The following ROBO1 variants were observed in gnomAD, a reference collection of about 807,000 sequenced individuals.
The protein encoded by ROBO1 is roundabout guidance receptor 1.
A neutral mutation model predicts 195.9 loss-of-function variants in ROBO1; 149 were observed. The ratio of observed to expected loss-of-function variants is 0.76; its 90% CI spans 0.67 to 0.87. The LOEUF (loss-of-function observed/expected upper bound fraction) is 0.87. Among genes scored for constraint, ROBO1 ranks in the 40% least tolerant of loss-of-function variants. The probability of loss-of-function intolerance (pLI) is 0.00; values close to 1 mark genes in which losing one functional copy is unlikely to be tolerated. For missense variants in ROBO1, 1,933 were observed against 2,068.3 expected (o/e 0.93, Z 1.27); for synonymous variants, 816 against 733.2 (o/e 1.11, Z -1.82).
chr3:79,569,855 T>C (rs1038778013), intron 2 of ROBO1, among the ~76,000 whole-genome samples: 1 of 152,024 alleles, frequency 6.6e-6, no homozygotes, highest in African/African-American at 2.4e-5. Flanking sequence ...TCCCAGCACT[T>C]TTGGAGGCAA....
chr3:79,284,719 G>A (rs1461531022), intron 2 of ROBO1, among the ~76,000 whole-genome samples: 1 of 152,138 alleles, frequency 6.6e-6, no homozygotes, highest in East Asian at 1.9e-4. Flanking sequence ...AATTAGCAAA[G>A]TCTAACATAT....
At chr3:79,657,648 G>T (rs1471251240) in intron 1 of ROBO1, among the ~76,000 whole-genome samples, 1 of 152,022 alleles carries the variant, frequency 6.6e-6, no homozygotes, top group East Asian at 1.9e-4. Flanking sequence ...ATATGTATTA[G>T]ATTTATATAT....
intron 1 of ROBO1, among the ~76,000 whole-genome samples, chr3:79,735,888 A>AAC (rs1553801371): frequency 0.026 from 671 of 26,058 alleles, 4 homozygotes; most frequent in African/African-American, 0.077. Context: ...AAAAAAAAAC[A>AAC]AAAAAAAAAC....
At chr3:78,646,555 A>G (rs1239605030) in intron 20 of ROBO1, among the ~76,000 whole-genome samples, 1 of 150,982 alleles carries the variant, frequency 6.6e-6, no homozygotes, top group Non-Finnish European at 1.5e-5. Flanking sequence ...TTTTGAATTT[A>G]TTATTGGAGC....
intron 8 of ROBO1, among the ~76,000 whole-genome samples, chr3:78,693,510 A>C (rs2107874235): frequency 6.6e-6 from 1 of 152,328 alleles, no homozygotes; most frequent in Middle Eastern, 3.4e-3. Context: ...CTGTACATGG[A>C]TGAATATTTG....
chr3:79,155,656 C>T (rs748038506), intron 2 of ROBO1, among the ~76,000 whole-genome samples: 3 of 151,550 alleles, frequency 2.0e-5, no homozygotes, highest in African/African-American at 4.8e-5. Flanking sequence ...TCTTTTATTC[C>T]TAACAGTACC....
rs113428217 is a variant in ROBO1, at chr3:78,598,789, AT to A, written c.*123del. 8.6e-3 allele frequency: 5,068 copies of A among 588,958 alleles called. 221 individuals are homozygous for A. The African/African-American group carries it at 0.087, about 10-fold the overall frequency. The allele number at this position is 588,958 out of a possible 1,614,324, so 36.5% of individuals were successfully genotyped here. A position where few individuals can be genotyped will look rare whatever the true frequency, so the allele number is the denominator to read the frequency against. Reference sequence around the variant, plus strand: ...TTAAAATGATATCCCAATAAGAGGAATAAAAACGACAATTTGTACACTCTGA... The same window carrying A: ...TTAAAATGATATCCCAATAAGAGGAAAAAAACGACAATTTGTACACTCTGA... On this transcript the variant is annotated 3_prime_UTR_variant, in exon 31 of 31. Transcript: ENST00000464233.
At chr3:79,001,130 G>A (rs1006052914) in intron 3 of ROBO1, among the ~76,000 whole-genome samples, 1 of 152,010 alleles carries the variant, frequency 6.6e-6, no homozygotes, top group South Asian at 2.1e-4. Context: ...AGGGGGTCGG[G>A]GGAAAGGGGA....
chr3:79,142,844 C>G (rs2080555908), intron 2 of ROBO1, among the ~76,000 whole-genome samples: 1 of 151,978 alleles, frequency 6.6e-6, no homozygotes, highest in South Asian at 2.1e-4. Flanking sequence ...TATATATTGA[C>G]AGAATTATGA....
intron 2 of ROBO1, among the ~76,000 whole-genome samples, chr3:79,276,878 A>G (rs1256325249): frequency 6.6e-6 from 1 of 152,116 alleles, no homozygotes; most frequent in Non-Finnish European, 1.5e-5. Context: ...GCTCAACACA[A>G]TTGATCATCA....
At chr3:78,799,268 G>A (rs530337948) in intron 4 of ROBO1, among the ~76,000 whole-genome samples, 7 of 151,852 alleles carry the variant, frequency 4.6e-5, no homozygotes, top group African/African-American at 1.7e-4. Flanking sequence ...GTTTTGGCCT[G>A]CTTTTATATT....
At chr3:79,309,797 G>A (rs552507808) in intron 2 of ROBO1, among the ~76,000 whole-genome samples, 1 of 152,198 alleles carries the variant, frequency 6.6e-6, no homozygotes, top group Admixed American at 6.5e-5. Flanking sequence ...AATTCTGATA[G>A]CAGAAGCATT....
chr3:79,048,401 C>T (rs968835024), intron 3 of ROBO1, among the ~76,000 whole-genome samples: 21 of 152,102 alleles, frequency 1.4e-4, no homozygotes, highest in East Asian at 1.9e-4. Flanking sequence ...CCTTTACCAG[C>T]TTTTCATCTG....
intron 1 of ROBO1, among the ~76,000 whole-genome samples, chr3:79,747,626 T>C (rs1703932566): frequency 6.6e-6 from 1 of 152,016 alleles, no homozygotes. Context: ...ATAGTTCCTC[T>C]GAGCATAATA....
rs1702158731 is a variant in ROBO1, at chr3:79,708,726, ATGGTGTT to A, written c.-51+59019_-51+59025del. Among the ~76,000 whole-genome samples, 3 of 152,094 alleles carry A rather than the reference ATGGTGTT, an allele frequency of 2.0e-5. No individual in the cohort carries two copies. In the South Asian group the frequency reaches 6.2e-4, roughly 32 times the overall value. ...AAATATTAAAAAGAATTAGCCAACC[ATGGTGTT>A]TTGTGCATGTGGAGTCTTAACTATT... is the stretch of plus-strand genomic sequence containing the variant. On this transcript the variant is annotated intron_variant, in intron 1 of 30. Transcript: ENST00000464233.
At chr3:79,118,075 G>A (rs919246475) in intron 3 of ROBO1, among the ~76,000 whole-genome samples, 3 of 152,178 alleles carry the variant, frequency 2.0e-5, no homozygotes, top group Non-Finnish European at 4.4e-5. Flanking sequence ...CTCACTGGAA[G>A]GTGAGCATCA....
intron 4 of ROBO1, among the ~76,000 whole-genome samples, chr3:78,794,605 C>T (rs534389325): frequency 5.3e-5 from 8 of 152,110 alleles, no homozygotes; most frequent in African/African-American, 1.7e-4. Flanking sequence ...TGAGGCAGGA[C>T]CTCACTTTGT....
intron 8 of ROBO1, among the ~76,000 whole-genome samples, chr3:78,689,694 A>T (rs2081129208): frequency 6.6e-6 from 1 of 152,070 alleles, no homozygotes; most frequent in Non-Finnish European, 1.5e-5. Flanking sequence ...AAGCGAATGA[A>T]TGCTTCAAGC....
At chr3:78,707,028 C>T (rs1193115896) in intron 8 of ROBO1, among the ~76,000 whole-genome samples, 1 of 152,158 alleles carries the variant, frequency 6.6e-6, no homozygotes, top group Non-Finnish European at 1.5e-5. Context: ...TGCTTACAGC[C>T]TGAGTTAGCA....
Sources: allele counts gnomAD v4.1 joint callset (sites outside exome capture counted in the v4.1 genomes callset), GRCh38; gene constraint gnomAD v4.1.1; transcripts MANE v1.5; gene names NCBI Gene and HGNC (gene_info 2026-07-23, HGNC 2026-07-21).